L3MBTL4: variants seen among roughly 807,000 people sequenced by gnomAD.
The protein encoded by L3MBTL4 is L3MBTL histone methyl-lysine binding protein 4, also known as lethal(3)malignant brain tumor-like protein 4.
Under a neutral mutation model 84.5 loss-of-function variants are expected in L3MBTL4, and 70 were observed. The observed-to-expected ratio is 0.83, with a 90% CI of 0.68 to 1.01. L3MBTL4 has a LOEUF of 1.01. L3MBTL4 is among the 50% of genes least tolerant of loss of function. The probability of loss-of-function intolerance (pLI) is 0.00; values close to 1 mark genes in which losing one functional copy is unlikely to be tolerated. For missense variants in L3MBTL4, 715 were observed against 754.8 expected, an observed-to-expected ratio of 0.95 and a Z score of 0.62; for synonymous variants, 274 against 259.8, an observed-to-expected ratio of 1.05 and a Z score of -0.52.
At chr18:6,241,559 G>T in intron 7 of L3MBTL4, 110 bp from the exon 8 acceptor site, 15 of 561,572 alleles carry the variant, frequency 2.7e-5, no homozygotes, top group Middle Eastern at 5.1e-4. Flanking sequence ...ACTTTTAATG[G>T]AAAAAAAACG....
At chr18:5,999,225 CATATTT>C (rs1200296072) in intron 16 of L3MBTL4, among the ~76,000 whole-genome samples, 3 of 152,164 alleles carry the variant, frequency 2.0e-5, no homozygotes, top group Non-Finnish European at 4.4e-5. Flanking sequence ...ACATTTTTCT[CATATTT>C]ATATTTATTG....
chr18:5,963,245 C>A (rs2052153261), intron 17 of L3MBTL4, among the ~76,000 whole-genome samples: 1 of 152,208 alleles, frequency 6.6e-6, no homozygotes, highest in African/African-American at 2.4e-5. Flanking sequence ...CTGTTCACAG[C>A]AGAAGTGTTG....
rs770971929 is a variant in L3MBTL4 at position 6,237,996 on chromosome 18, T to G, written c.752A>C (p.Gln251Pro). Residue 251 changes from glutamine to proline, a missense_variant, in exon 10 of 19, where the codon CAG (glutamine) becomes CCG (proline). Gln to Pro is a moderately conservative substitution (Grantham distance 76). Coordinates refer to ENST00000317931, the MANE Select transcript of L3MBTL4 (RefSeq NM_001330559.2). Reference sequence around the variant, plus strand: ...TGCTATCAGAGTTCTTCCATTCTCCTGACACCAACCAACTGGCTGGACATA... The same window carrying G: ...TGCTATCAGAGTTCTTCCATTCTCCGGACACCAACCAACTGGCTGGACATA... Reference protein sequence around the residue: ...SPYVQPVGWCQENGRTLIAPQ... With the variant: ...SPYVQPVGWCPENGRTLIAPQ... 7.4e-6 allele frequency: 12 copies of G among 1,614,160 alleles called. No homozygotes were observed. Among genetic ancestry groups the G allele is most frequent in the Middle Eastern group, 3.3e-4 (2 of 6,062 alleles).
At chr18:6,112,814 GTC>G (rs1426746483) in intron 14 of L3MBTL4, among the ~76,000 whole-genome samples, 1 of 152,162 alleles carries the variant, frequency 6.6e-6, no homozygotes, top group Non-Finnish European at 1.5e-5. Flanking sequence ...TGGAGAGGAA[GTC>G]TCTTCTCAAT....
In L3MBTL4 at chr18:6,163,310, TGG is replaced by T. The variant is rs199996072; in HGVS notation, c.1096+8516_1096+8517del. Among the ~76,000 whole-genome samples, 68 of 127,152 alleles carry T rather than the reference TGG, an allele frequency of 5.3e-4. 1 individual carries two copies. The highest frequency in any genetic ancestry group is 2.7e-3 in the East Asian group (11 of 4,050). The allele number at this position is 127,152 out of a possible 152,430, so 83.4% of individuals were successfully genotyped here. A position where few individuals can be genotyped will look rare whatever the true frequency, so the allele number is the denominator to read the frequency against. Reference sequence around the variant, plus strand: ...GTGTGTGTGTGTGTGTGTGTGTGGGTGGGTGTGTATTTTTGCTTTCACAATAG... The same window carrying T: ...GTGTGTGTGTGTGTGTGTGTGTGGGTGTGTGTATTTTTGCTTTCACAATAG... On this transcript the variant is annotated intron_variant, in intron 13 of 18. Transcript: ENST00000317931.
chr18:6,120,960 G>A (rs913611064), intron 14 of L3MBTL4, among the ~76,000 whole-genome samples: 2 of 152,070 alleles, frequency 1.3e-5, no homozygotes, highest in Admixed American at 6.5e-5. Flanking sequence ...GCTGACGCAC[G>A]TACTTCTTGG....
chr18:6,211,918 G>A (rs990498917), intron 12 of L3MBTL4, among the ~76,000 whole-genome samples: 14 of 152,120 alleles, frequency 9.2e-5, no homozygotes, highest in African/African-American at 3.4e-4. Flanking sequence ...CAAAATGCTG[G>A]GATTGCAGGC....
intron 15 of L3MBTL4, 79 bp downstream of exon 15, chr18:6,093,276 C>A: frequency 1.8e-6 from 2 of 1,090,232 alleles, no homozygotes; most frequent in South Asian, 2.0e-5. Flanking sequence ...GAAATAGAAA[C>A]TATTACTATT....
In L3MBTL4 at chr18:5,969,656, C is replaced by G. The variant is rs8097452; in HGVS notation, c.1445-94G>C. The G allele has an allele frequency of 0.023, 30,499 of 1,310,846 alleles. 2,234 individuals are homozygous for G. In the East Asian group the frequency reaches 0.25, roughly 11 times the overall value. 81.2% of individuals were successfully genotyped at this position (1,310,846 alleles called of 1,614,324 possible). ...AGTCCGGAGGGCCCAAGTCAGGGGA[C>G]GGAAAGTGCAGACACCACCAGAACC... On this transcript the variant is annotated intron_variant, in intron 16 of 18. Coordinates refer to ENST00000317931, the MANE Select transcript of L3MBTL4 (RefSeq NM_001330559.2).
chr18:6,236,353 T>C (rs2047215431), intron 10 of L3MBTL4, among the ~76,000 whole-genome samples: 1 of 152,222 alleles, frequency 6.6e-6, no homozygotes, highest in Non-Finnish European at 1.5e-5. Context: ...CAAATCTTTA[T>C]GACCTTAGAT....
At chr18:6,292,229 C>T (rs1288825656) in intron 4 of L3MBTL4, among the ~76,000 whole-genome samples, 1 of 152,146 alleles carries the variant, frequency 6.6e-6, no homozygotes, top group Admixed American at 6.5e-5. Flanking sequence ...CCAAGTTTCT[C>T]CCATGGTCTT....
At chr18:6,014,513 GGT>G (rs761483961) in intron 16 of L3MBTL4, among the ~76,000 whole-genome samples, 7,365 of 152,246 alleles carry the variant, frequency 0.048, 432 homozygotes, top group Admixed American at 0.16. Flanking sequence ...ATGGCTGCAG[GGT>G]AAGTGAAGTC....
chr18:6,041,462 CTTT>C (rs34117389), intron 16 of L3MBTL4, among the ~76,000 whole-genome samples: 6 of 124,120 alleles, frequency 4.8e-5, no homozygotes, highest in Admixed American at 8.2e-5. Flanking sequence ...CTGAAATTGA[CTTT>C]TTTTTTTTTT....
intron 17 of L3MBTL4, among the ~76,000 whole-genome samples, chr18:5,963,349 G>T (rs1460796801): frequency 6.6e-6 from 1 of 152,208 alleles, no homozygotes; most frequent in Non-Finnish European, 1.5e-5. Flanking sequence ...CATTAGCCAA[G>T]AAATCATTGT....
chr18:6,369,563 A>G (rs2054073934), intron 1 of L3MBTL4, among the ~76,000 whole-genome samples: 1 of 152,190 alleles, frequency 6.6e-6, no homozygotes, highest in African/African-American at 2.4e-5. Context: ...GAAACAGAAA[A>G]GAGCTCAGAT....
At chr18:6,116,068 G>T (rs994377618) in intron 14 of L3MBTL4, among the ~76,000 whole-genome samples, 1 of 152,196 alleles carries the variant, frequency 6.6e-6, no homozygotes, top group African/African-American at 2.4e-5. Flanking sequence ...ACAAGAGAAG[G>T]CAAGATCATA....
At chr18:6,199,760 C>T (rs1237745581) in intron 12 of L3MBTL4, among the ~76,000 whole-genome samples, 3 of 152,058 alleles carry the variant, frequency 2.0e-5, no homozygotes, top group South Asian at 2.1e-4. Context: ...ATGTAGTTTA[C>T]GGAGGCAGCT....
chr18:6,313,070 C>A (rs1460207693), intron 1 of L3MBTL4, among the ~76,000 whole-genome samples: 1 of 152,212 alleles, frequency 6.6e-6, no homozygotes, highest in African/African-American at 2.4e-5. Flanking sequence ...GTCTTTTCTA[C>A]ATTGCATTTC....
At chr18:6,357,330 T>C (rs2143916836) in intron 1 of L3MBTL4, among the ~76,000 whole-genome samples, 1 of 152,246 alleles carries the variant, frequency 6.6e-6, no homozygotes, top group Admixed American at 6.5e-5. Flanking sequence ...ATTTATTGGG[T>C]GGAACTTCAG....
Sources: allele counts gnomAD v4.1 joint callset (sites outside exome capture counted in the v4.1 genomes callset), GRCh38; gene constraint gnomAD v4.1.1; transcripts MANE v1.5; gene names NCBI Gene and HGNC (gene_info 2026-07-23, HGNC 2026-07-21).